The following SELENON variants were observed in gnomAD, a reference collection of about 807,000 sequenced individuals.
The protein encoded by SELENON is selenoprotein N, also known as selenoprotein N, 1.
A neutral mutation model predicts 59.5 loss-of-function variants in SELENON; 44 were observed. That is an observed-to-expected ratio of 0.74 (90% confidence interval 0.58 to 0.95). The LOEUF (loss-of-function observed/expected upper bound fraction) is 0.95. Ranked by LOEUF, SELENON falls within the 40% of genes least tolerant of loss-of-function variation. SELENON has a pLI of 0.00. For missense variants in SELENON, 674 were observed against 721.4 expected (o/e 0.93, Z 0.75); for synonymous variants, 320 against 305.6 (o/e 1.05, Z -0.49).
rs2048024034 is a variant in SELENON, at chr1:25,817,757, CCCTG to C, written c.*2044_*2047del. 6.6e-6 allele frequency: 1 copy of C among 152,256 alleles called. No homozygotes were observed. The highest frequency in any genetic ancestry group is 2.1e-4 in the South Asian group (1 of 4,828). 9.4% of individuals were successfully genotyped at this position (152,256 alleles called of 1,614,324 possible). A position where few individuals can be genotyped will look rare whatever the true frequency, so the allele number is the denominator to read the frequency against. On this transcript the variant is annotated 3_prime_UTR_variant, in exon 13 of 13. Coordinates refer to ENST00000361547, the MANE Select transcript of SELENON (RefSeq NM_020451.3). ...TTTGGCATGGCACCCTCACCTCTCT[CCCTG>C]CCTGTTTTCCCCAAAGTGGAAAGGA... is the stretch of plus-strand genomic sequence containing the variant.
intron 7 of SELENON, among the ~76,000 whole-genome samples, chr1:25,811,186 A>G (rs971091333): frequency 2.0e-5 from 3 of 152,160 alleles, no homozygotes; most frequent in African/African-American, 4.8e-5. Context: ...TACACGGGCC[A>G]TGGCTGTGCA....
intron 4 of SELENON, among the ~76,000 whole-genome samples, chr1:25,806,284 C>G (rs985401866): frequency 1.3e-5 from 2 of 152,246 alleles, no homozygotes; most frequent in Non-Finnish European, 2.9e-5. Context: ...TTGTTGCCTG[C>G]CTTTGGCCTT....
At position 25,809,837 on chromosome 1, in the gene SELENON, G is replaced by A; in HGVS notation, c.1010+17G>A. The A allele has an allele frequency of 6.2e-7, 1 of 1,612,062 alleles. No homozygotes were observed. The highest frequency in any genetic ancestry group is 8.5e-7 in the Non-Finnish European group (1 of 1,179,990). On this transcript the variant is annotated intron_variant, in intron 7 of 12. Transcript: ENST00000361547. ...CAACCACAGGTGGGAGCTTGACCCT[G>A]GCCCAGCCTTGGCTCCCTCCTACAG...
rs768972846 is a variant in SELENON at position 25,808,667 on chromosome 1, T to G, written c.625T>G (p.Phe209Val). The G allele has an allele frequency of 1.2e-6, 2 of 1,614,024 alleles. No homozygotes were observed. Among genetic ancestry groups the G allele is most frequent in the Non-Finnish European group, 1.7e-6 (2 of 1,179,982 alleles). ...GTTTGCCACCCGCCACTTCCAGCCC[T>G]TCCTTCCCCCGCCAGGCCAGGAGCT... The change falls in exon 5 of 13, where the codon TTC (phenylalanine) becomes GTC (valine). Residue 209 changes from phenylalanine (F) to valine (V), a missense_variant. Coordinates refer to ENST00000361547, the MANE Select transcript of SELENON (RefSeq NM_020451.3).
rs1017307881 is a variant in SELENON, at chr1:25,807,963, G to A, written c.538-617G>A. Among the ~76,000 whole-genome samples the A allele has an allele frequency of 1.3e-5, 2 of 152,338 alleles. No individual in the cohort carries two copies. The highest frequency in any genetic ancestry group is 4.8e-5 in the African/African-American group (2 of 41,582). ...GTACTTAAGGCAGGGCCCTTCTGGG[G>A]GTGGCCTTCCTTCCCCTTCCCTGTG... is the stretch of plus-strand genomic sequence containing the variant. On this transcript the variant is annotated intron_variant, in intron 4 of 12. Coordinates refer to ENST00000361547, the MANE Select transcript of SELENON (RefSeq NM_020451.3). This position sits in a 1 kb window ranked among gnomAD's most constrained non-coding sequence, Gnocchi z 4.5.
chr1:25,815,389 G>C (rs2048001759), intron 12 of SELENON, among the ~76,000 whole-genome samples, 159 bp from the exon 12 acceptor site: 1 of 152,184 alleles, frequency 6.6e-6, no homozygotes, highest in South Asian at 2.1e-4. Flanking sequence ...GGTGTCGGGT[G>C]CTGGCGAGGG....
intron 10 of SELENON, 75 bp downstream of exon 9, chr1:25,812,867 C>A: frequency 2.7e-6 from 3 of 1,115,302 alleles, no homozygotes; most frequent in Non-Finnish European, 2.7e-6. Flanking sequence ...GCTCTGAGAC[C>A]AATGGGACTC....
chr1:25,817,839 G>A lies in SELENON; in HGVS notation c.*2121G>A, dbSNP rs1248984219. 6.6e-6 allele frequency: 1 copy of A among 152,350 alleles called. No individual in the cohort carries two copies. Among genetic ancestry groups the A allele is most frequent in the African/African-American group, 2.4e-5 (1 of 41,464 alleles). 9.4% of individuals were successfully genotyped at this position (152,350 alleles called of 1,614,324 possible). A position where few individuals can be genotyped will look rare whatever the true frequency, so the allele number is the denominator to read the frequency against. Reference sequence around the variant, plus strand: ...CCCCTCTGACCTCCAGACCAGATGGGGCATGAGCCAGCCAGCTCAGCCAGG... The same window carrying A: ...CCCCTCTGACCTCCAGACCAGATGGAGCATGAGCCAGCCAGCTCAGCCAGG... On this transcript the variant is annotated 3_prime_UTR_variant, in exon 13 of 13. Transcript: ENST00000361547.
intron 6 of SELENON, among the ~76,000 whole-genome samples, 194 bp downstream of exon 5, chr1:25,809,344 G>A (rs546638302): frequency 2.0e-4 from 30 of 152,350 alleles, no homozygotes; most frequent in African/African-American, 6.7e-4. Flanking sequence ...CGTAAGGCAC[G>A]TGAGGGTTCA....
intron 2 of SELENON, among the ~76,000 whole-genome samples, chr1:25,801,637 G>A (rs2047861533): frequency 6.6e-6 from 1 of 152,172 alleles, no homozygotes; most frequent in African/African-American, 2.4e-5. Flanking sequence ...TCCAGCCTGG[G>A]CGACAGAGTG....
At chr1:25,802,578 A>G (rs887538039) in intron 3 of SELENON, among the ~76,000 whole-genome samples, 18 of 151,648 alleles carry the variant, frequency 1.2e-4, no homozygotes, top group Non-Finnish European at 2.1e-4. Flanking sequence ...CTGGTCTCGA[A>G]CTCCTGACCT....
At chr1:25,805,647 C>T (rs939918423) in intron 4 of SELENON, among the ~76,000 whole-genome samples, 4 of 145,632 alleles carry the variant, frequency 2.7e-5, no homozygotes, top group African/African-American at 5.7e-5. Flanking sequence ...TGATTATTTC[C>T]CACACACTAT....
chr1:25,802,544 C>G (rs532596169), intron 3 of SELENON, among the ~76,000 whole-genome samples: 16 of 151,916 alleles, frequency 1.1e-4, no homozygotes, highest in African/African-American at 3.6e-4. Flanking sequence ...TTAGTAGAGA[C>G]GGGGTTTTGC....
intron 12 of SELENON, 70 bp downstream of exon 11, chr1:25,814,248 G>A (rs913519345): frequency 1.3e-5 from 15 of 1,160,734 alleles, no homozygotes; most frequent in South Asian, 1.2e-4. Flanking sequence ...AGCAGGAGGC[G>A]TGGATGTGCA....
At position 25,805,074 on chromosome 1, in the gene SELENON, T is replaced by C. The variant is rs2047894191; in HGVS notation, c.404-68T>C. The C allele has an allele frequency of 1.6e-5, 25 of 1,603,372 alleles. No individual in the cohort carries two copies. In the South Asian group the frequency reaches 1.9e-4, roughly 12 times the overall value. On this transcript the variant is annotated intron_variant, in intron 3 of 12. Transcript: ENST00000361547. Reference sequence around the variant, plus strand: ...TGGCTCCGTTAATCACCAGCTAGTGTGGATGATGAGGGAGAGGTGAGCCCT... The same window carrying C: ...TGGCTCCGTTAATCACCAGCTAGTGCGGATGATGAGGGAGAGGTGAGCCCT...
At chr1:25,808,938 G>A in intron 5 of SELENON, 88 bp from the exon 5 acceptor site, 2 of 1,607,118 alleles carry the variant, frequency 1.2e-6, no homozygotes, top group South Asian at 1.1e-5. Flanking sequence ...GGGGCCCCTG[G>A]GCCGTCGGGT....
rs35501181 is a variant in SELENON at position 25,812,474 on chromosome 1, T to C, written c.1282-213T>C. Among the ~76,000 whole-genome samples the C allele has an allele frequency of 2.3e-3, 25 of 10,888 alleles. No individual in the cohort carries two copies. The South Asian group carries it at 0.1, about 44-fold the overall frequency. 7.1% of individuals were successfully genotyped at this position (10,888 alleles called of 152,430 possible). A position where few individuals can be genotyped will look rare whatever the true frequency, so the allele number is the denominator to read the frequency against. On this transcript the variant is annotated intron_variant, in intron 9 of 12. Transcript: ENST00000361547. ...ACTAACATATATATACACACACACA[T>C]ACACACATATACAAACATACACAAA...
At position 25,816,308 on chromosome 1, in the gene SELENON, G is replaced by A. The variant is rs1177647117; in HGVS notation, c.*590G>A. The A allele has an allele frequency of 6.5e-6, 1 of 152,860 alleles. No homozygotes were observed. Among genetic ancestry groups the A allele is most frequent in the Non-Finnish European group, 1.5e-5 (1 of 68,532 alleles). The allele number at this position is 152,860 out of a possible 1,614,324, so 9.5% of individuals were successfully genotyped here. ...AGCCTCTGGGCAGAACCCTCCATCA[G>A]AGTGGAAATCAGACGGGACCCCCTG... is the stretch of plus-strand genomic sequence containing the variant. On this transcript the variant is annotated 3_prime_UTR_variant, in exon 13 of 13. Transcript: ENST00000361547.
At chr1:25,801,701 AT>A (rs1199279774) in intron 2 of SELENON, among the ~76,000 whole-genome samples, 1 of 150,444 alleles carries the variant, frequency 6.6e-6, no homozygotes, top group African/African-American at 2.4e-5. Context: ...CAAAAAAACC[AT>A]TCCTTGGCCA....
Sources: gnomAD v4.1 joint callset for allele counts (sites outside exome capture counted in the v4.1 genomes callset) on GRCh38, gnomAD v4.1.1 for gene constraint, Gnocchi (gnomAD v3.1) non-coding constraint, MANE v1.5 for transcripts, NCBI Gene and HGNC (gene_info 2026-07-23, HGNC 2026-07-21) for gene names.